The following KCNQ5 variants were observed in gnomAD, a reference collection of about 807,000 sequenced individuals.
The protein encoded by KCNQ5 is potassium voltage-gated channel subfamily KQT member 5.
A neutral mutation model predicts 98.2 loss-of-function variants in KCNQ5; 30 were observed. That is an observed-to-expected ratio of 0.31 (90% CI 0.23 to 0.41). The LOEUF is 0.41. Among genes scored for constraint, KCNQ5 ranks in the 10% least tolerant of loss-of-function variants. The probability of loss-of-function intolerance (pLI) is 1.00; values close to 1 mark genes in which losing one functional copy is unlikely to be tolerated. For synonymous variants in KCNQ5, 458 were observed against 449.4 expected (o/e 1.02, Z -0.24); for missense variants, 835 against 1,182.5 (o/e 0.71, Z 4.31).
chr6:72,951,443 A>AT (rs1766801356), intron 1 of KCNQ5, among the ~76,000 whole-genome samples: 3 of 78,344 alleles, frequency 3.8e-5, no homozygotes, highest in Non-Finnish European at 8.7e-5. Context: ...ACACCCAGCA[A>AT]ATTTTTTTTT....
intron 1 of KCNQ5, among the ~76,000 whole-genome samples, chr6:72,766,993 T>C (rs1214112749): frequency 1.3e-5 from 2 of 151,922 alleles, no homozygotes; most frequent in Non-Finnish European, 2.9e-5. Context: ...GGAGAATGAA[T>C]TTAAAATGTG....
At chr6:72,628,435 C>A (rs1048706917) in intron 1 of KCNQ5, among the ~76,000 whole-genome samples, 2 of 152,122 alleles carry the variant, frequency 1.3e-5, no homozygotes, top group African/African-American at 4.8e-5. Flanking sequence ...TGTAGAGAGT[C>A]TAAAATGCTA....
intron 11 of KCNQ5, among the ~76,000 whole-genome samples, chr6:73,186,940 C>T (rs1199320961): frequency 6.6e-6 from 1 of 152,164 alleles, no homozygotes; most frequent in Non-Finnish European, 1.5e-5. Flanking sequence ...ATCCCTCCCC[C>T]TGCTCCCTAC....
At chr6:72,819,096 G>GT (rs1450916283) in intron 1 of KCNQ5, among the ~76,000 whole-genome samples, 3 of 151,592 alleles carry the variant, frequency 2.0e-5, no homozygotes, top group Non-Finnish European at 4.4e-5. Flanking sequence ...ATTAATGTTT[G>GT]TTTTTTGGTT....
intron 10 of KCNQ5, among the ~76,000 whole-genome samples, chr6:73,144,805 C>T (rs2150473767): frequency 6.6e-6 from 1 of 152,342 alleles, no homozygotes; most frequent in South Asian, 2.1e-4. Context: ...CTCTCATCCT[C>T]CAGCAGGCTG....
chr6:72,704,635 G>GA (rs1341274441), intron 1 of KCNQ5, among the ~76,000 whole-genome samples: 1 of 106,736 alleles, frequency 9.4e-6, no homozygotes, highest in African/African-American at 6.1e-5. Context: ...TGTTATAAAT[G>GA]ATAAAAAAAA....
chr6:72,843,354 G>A (rs1776882049), intron 1 of KCNQ5, among the ~76,000 whole-genome samples: 1 of 152,014 alleles, frequency 6.6e-6, no homozygotes, highest in African/African-American at 2.4e-5. Context: ...ATCTGTTTTG[G>A]TATCAGTACC....
rs557132381 is a variant in KCNQ5 at position 72,667,992 on chromosome 6, T to C, written c.398+45405T>C. Reference sequence around the variant, plus strand: ...TTACAATGTGGGATCTTGGTTTGGATCTTGGAACAGAATAAGGACTTTATT... The same window carrying C: ...TTACAATGTGGGATCTTGGTTTGGACCTTGGAACAGAATAAGGACTTTATT... On this transcript the variant is annotated intron_variant, in intron 1 of 13. Coordinates refer to ENST00000370398, the MANE Select transcript of KCNQ5 (RefSeq NM_019842.4). Among the ~76,000 whole-genome samples the C allele has an allele frequency of 2.6e-5, 4 of 152,280 alleles. No homozygotes were observed. In the East Asian group the frequency reaches 7.7e-4, roughly 29 times the overall value.
At position 72,911,927 on chromosome 6, in the gene KCNQ5, G is replaced by T. The variant is rs139426898; in HGVS notation, c.399-91981G>T. Among the ~76,000 whole-genome samples, 13 of 152,198 alleles carry T rather than the reference G, an allele frequency of 8.5e-5. No individual in the cohort carries two copies. The East Asian group carries it at 1.7e-3, about 20-fold the overall frequency. Reference sequence around the variant, plus strand: ...CTCTGAACTGGCAGTTTTGCTGATGGCTTCTGTGGTCTGGAGGCTTGCCCA... The same window carrying T: ...CTCTGAACTGGCAGTTTTGCTGATGTCTTCTGTGGTCTGGAGGCTTGCCCA... On this transcript the variant is annotated intron_variant, in intron 1 of 13. Coordinates refer to ENST00000370398, the MANE Select transcript of KCNQ5 (RefSeq NM_019842.4).
intron 1 of KCNQ5, among the ~76,000 whole-genome samples, chr6:72,790,320 A>G (rs1397906576): frequency 1.3e-5 from 2 of 152,230 alleles, no homozygotes; most frequent in Non-Finnish European, 2.9e-5. Context: ...GCTAGAATGC[A>G]ATGAAGATGA....
At chr6:73,011,023 T>C (rs542607816) in intron 2 of KCNQ5, among the ~76,000 whole-genome samples, 25 of 151,980 alleles carry the variant, frequency 1.6e-4, no homozygotes, top group Non-Finnish European at 3.4e-4. Flanking sequence ...CATCCTAGAA[T>C]TCATATAGAA....
At chr6:72,805,584 A>G (rs540367075) in intron 1 of KCNQ5, among the ~76,000 whole-genome samples, 1 of 152,134 alleles carries the variant, frequency 6.6e-6, no homozygotes, top group African/African-American at 2.4e-5. Context: ...CTGTGGTACA[A>G]TTTGAAGCCA....
At chr6:72,694,272 A>T (rs1051183702) in intron 1 of KCNQ5, among the ~76,000 whole-genome samples, 2 of 152,186 alleles carry the variant, frequency 1.3e-5, no homozygotes, top group Non-Finnish European at 2.9e-5. Context: ...GCCCTCAGAG[A>T]GGCCTTGCAT....
chr6:73,119,528 G>A (rs760746013), intron 7 of KCNQ5, among the ~76,000 whole-genome samples: 8 of 152,294 alleles, frequency 5.3e-5, no homozygotes, highest in South Asian at 2.1e-4. Context: ...GCATAAATCC[G>A]TAGGTGTTTT....
intron 5 of KCNQ5, among the ~76,000 whole-genome samples, chr6:73,087,723 C>A (rs1345399192): frequency 6.6e-6 from 1 of 152,002 alleles, no homozygotes; most frequent in Non-Finnish European, 1.5e-5. Flanking sequence ...GTAAGAGGAG[C>A]CACAGAAAAA....
intron 1 of KCNQ5, among the ~76,000 whole-genome samples, chr6:72,689,586 C>T (rs559353313): frequency 6.6e-6 from 1 of 152,286 alleles, no homozygotes; most frequent in African/African-American, 2.4e-5. Flanking sequence ...TTTGTAGTAG[C>T]TGAGAATTTG....
intron 1 of KCNQ5, among the ~76,000 whole-genome samples, chr6:72,944,205 T>C (rs1766434667): frequency 6.6e-6 from 1 of 152,212 alleles, no homozygotes; most frequent in Non-Finnish European, 1.5e-5. Context: ...ATGTATTGTC[T>C]CCTTTATTGC....
chr6:73,170,586 G>C (rs1443814269), intron 11 of KCNQ5, among the ~76,000 whole-genome samples: 1 of 147,830 alleles, frequency 6.8e-6, no homozygotes, highest in Non-Finnish European at 1.5e-5. Flanking sequence ...AAAAAGAAAA[G>C]AAAAGAAAAG....
At chr6:73,124,425 A>C in intron 8 of KCNQ5, 61 bp from the exon 9 acceptor site, 1 of 1,543,306 alleles carries the variant, frequency 6.5e-7, no homozygotes, top group Non-Finnish European at 8.9e-7. Flanking sequence ...GCCATTATCA[A>C]GTGCTATAAA....
Sources: gnomAD v4.1 joint callset for allele counts (sites outside exome capture counted in the v4.1 genomes callset) on GRCh38, gnomAD v4.1.1 for gene constraint, MANE v1.5 for transcripts, NCBI Gene and HGNC (gene_info 2026-07-23, HGNC 2026-07-21) for gene names.